The following ERAP1 variants were observed in gnomAD, a reference collection of about 807,000 sequenced individuals.
ERAP1 encodes the protein adipocyte-derived leucine aminopeptidase.
In ERAP1, 86 loss-of-function variants were observed where a neutral mutation model predicts 103.7. The observed-to-expected ratio is 0.83, with a 90% CI of 0.70 to 0.99. The LOEUF (loss-of-function observed/expected upper bound fraction) is 0.99. Among genes scored for constraint, ERAP1 ranks in the 50% least tolerant of loss-of-function variants. ERAP1 has a pLI of 0.00. For missense variants in ERAP1, 1,009 were observed against 1,128.4 expected, an observed-to-expected ratio of 0.89 and a Z score of 1.52; for synonymous variants, 398 against 402.4, an observed-to-expected ratio of 0.99 and a Z score of 0.13.
intron 12 of ERAP1, 176 bp from the exon 13 acceptor site, chr5:96,786,147 AG>A: frequency 1.5e-6 from 1 of 656,760 alleles, no homozygotes; most frequent in Non-Finnish European, 2.6e-6. Flanking sequence ...AGCTAACACT[AG>A]CTTTAGACAT....
intron 8 of ERAP1, 144 bp downstream of exon 8, chr5:96,791,916 TA>T: frequency 1.3e-6 from 1 of 785,132 alleles, no homozygotes; most frequent in Non-Finnish European, 2.1e-6. Flanking sequence ...AAGTTAGTCC[TA>T]AAAGAGTTGA....
At chr5:96,790,116 T>C (rs140237613) in intron 10 of ERAP1, among the ~76,000 whole-genome samples, 180 bp downstream of exon 10, 60 of 152,342 alleles carry the variant, frequency 3.9e-4, no homozygotes, top group African/African-American at 1.4e-3. Context: ...CCCTCCAGTA[T>C]AGATACACTT....
chr5:96,790,469 GC>G, intron 9 of ERAP1, 42 bp downstream of exon 9: 3 of 1,612,080 alleles, frequency 1.9e-6, no homozygotes, highest in Non-Finnish European at 2.5e-6. Flanking sequence ...AAGATGATAA[GC>G]CTGTCAATCC....
At chr5:96,872,450 T>G in the ERAP1 span, among the ~76,000 whole-genome samples, 1 of 151,848 alleles carries the variant, frequency 6.6e-6, no homozygotes, top group Non-Finnish European at 1.5e-5. Flanking sequence ...AATTAAAAAA[T>G]TAGCCAAGTG....
chr5:96,774,425 T>G (rs3797810), downstream of ERAP1: 1 of 769,182 alleles, frequency 1.3e-6, no homozygotes, highest in East Asian at 1.3e-4. Flanking sequence ...AGCTACAGGA[T>G]CTAAAGCAGC....
the ERAP1 span, among the ~76,000 whole-genome samples, chr5:96,895,039 A>C: frequency 6.6e-6 from 1 of 152,096 alleles, no homozygotes; most frequent in African/African-American, 2.4e-5. Context: ...CAAAAAAAAG[A>C]AAAAAGAAAA....
At chr5:96,830,545 T>G in the ERAP1 span, among the ~76,000 whole-genome samples, 74 of 152,104 alleles carry the variant, frequency 4.9e-4, no homozygotes, top group Non-Finnish European at 7.8e-4. Flanking sequence ...TAAAAATAAG[T>G]GAACTATTGC....
At chr5:96,889,217 T>G in the ERAP1 span, 2 of 1,614,168 alleles carry the variant, frequency 1.2e-6, no homozygotes, top group Non-Finnish European at 1.7e-6. Context: ...ACAAACGGAA[T>G]CAAACACATT....
chr5:96,880,955 A>T, the ERAP1 span: 1 of 158,358 alleles, frequency 6.3e-6, no homozygotes, highest in Non-Finnish European at 1.4e-5. Flanking sequence ...CTGGGCAGGG[A>T]AGTGTTTGTT....
At chr5:96,880,573 T>C in the ERAP1 span, among the ~76,000 whole-genome samples, 5 of 152,140 alleles carry the variant, frequency 3.3e-5, no homozygotes, top group African/African-American at 1.2e-4. Context: ...GGAATGCTTC[T>C]CAAAGGAAGT....
chr5:96,801,169 C>G (rs546454937), intron 2 of ERAP1, among the ~76,000 whole-genome samples, 169 bp from the exon 3 acceptor site: 3 of 152,278 alleles, frequency 2.0e-5, no homozygotes, highest in African/African-American at 7.2e-5. Context: ...ACGAGTTACA[C>G]TGGGCATGGT....
the ERAP1 span, among the ~76,000 whole-genome samples, chr5:96,929,803 T>C: frequency 2.6e-5 from 4 of 152,232 alleles, no homozygotes; most frequent in Non-Finnish European, 5.9e-5. Context: ...ATCCTAATTA[T>C]ATTAATCAAT....
chr5:96,787,373 C>G (rs1401056244), intron 11 of ERAP1, among the ~76,000 whole-genome samples: 1 of 152,142 alleles, frequency 6.6e-6, no homozygotes, highest in Non-Finnish European at 1.5e-5. Flanking sequence ...ACAAGCGATT[C>G]TCCTGCCTCA....
At chr5:96,873,406 G>C in the ERAP1 span, 1 of 456,040 alleles carries the variant, frequency 2.2e-6, no homozygotes, top group Non-Finnish European at 4.4e-6. Context: ...ACACAAACTT[G>C]TTAGCCTCAG....
At chr5:96,828,221 C>T in the ERAP1 span, among the ~76,000 whole-genome samples, 3 of 152,208 alleles carry the variant, frequency 2.0e-5, no homozygotes, top group Non-Finnish European at 4.4e-5. Context: ...AGGGGTAAGC[C>T]TCTAATTTAT....
chr5:96,765,842 A>G (rs1285552004), intron 19 of ERAP1, among the ~76,000 whole-genome samples: 1 of 152,226 alleles, frequency 6.6e-6, no homozygotes, highest in Non-Finnish European at 1.5e-5. Flanking sequence ...ACAGATATGA[A>G]TTGACATACA....
At chr5:96,797,069 G>T in intron 4 of ERAP1, 106 bp downstream of exon 4, 1 of 1,356,790 alleles carries the variant, frequency 7.4e-7, no homozygotes, top group Non-Finnish European at 1.0e-6. Flanking sequence ...GTTTATGTTG[G>T]GTTTACACGC....
chr5:96,770,982 C>G (rs1334079941), downstream of ERAP1, among the ~76,000 whole-genome samples: 2 of 152,104 alleles, frequency 1.3e-5, no homozygotes, highest in African/African-American at 4.8e-5. Context: ...TAGACAACTT[C>G]TAGGTCCCTT....
the ERAP1 span, among the ~76,000 whole-genome samples, chr5:96,921,622 T>G: frequency 1.3e-5 from 2 of 152,240 alleles, no homozygotes; most frequent in South Asian, 4.1e-4. Context: ...CTTTTACAAA[T>G]GTATTCTTCT....
Sources: allele counts gnomAD v4.1 joint callset (sites outside exome capture counted in the v4.1 genomes callset), GRCh38; gene constraint gnomAD v4.1.1; transcripts MANE v1.5; gene names NCBI Gene and HGNC (gene_info 2026-07-23, HGNC 2026-07-21).